Variants in PRKAG2 observed in about 807,000 individuals in gnomAD.
PRKAG2 encodes 5'-AMP-activated protein kinase subunit gamma-2.
A neutral mutation model predicts 69.6 loss-of-function variants in PRKAG2; 26 were observed. That is an observed-to-expected ratio of 0.37 (90% CI 0.27 to 0.52). PRKAG2 has a LOEUF of 0.52. PRKAG2 is among the 20% of genes least tolerant of loss of function. The pLI is 0.90. For missense variants in PRKAG2, 557 were observed against 740.0 expected (o/e 0.75, Z 2.87); for synonymous variants, 293 against 285.0 (o/e 1.03, Z -0.28).
At chr7:151,758,819 T>C (rs1346365885) in intron 3 of PRKAG2, among the ~76,000 whole-genome samples, 1 of 152,184 alleles carries the variant, frequency 6.6e-6, no homozygotes, top group East Asian at 1.9e-4. Flanking sequence ...ATAACAGCTA[T>C]ATTTCAGGGC....
chr7:151,654,208 T>G (rs1829054541), intron 4 of PRKAG2, among the ~76,000 whole-genome samples: 1 of 152,156 alleles, frequency 6.6e-6, no homozygotes, highest in Admixed American at 6.5e-5. Flanking sequence ...CATTTAACTT[T>G]GTCTTCAAAG....
intron 1 of PRKAG2, among the ~76,000 whole-genome samples, chr7:151,791,587 G>A (rs1275066395): frequency 2.0e-5 from 3 of 152,232 alleles, no homozygotes; most frequent in Non-Finnish European, 4.4e-5. Flanking sequence ...TGCACAAAAT[G>A]TAAGTCAGAC....
chr7:151,821,493 C>T (rs889702970), intron 1 of PRKAG2, among the ~76,000 whole-genome samples: 12 of 152,318 alleles, frequency 7.9e-5, no homozygotes, highest in Non-Finnish European at 1.5e-4. Context: ...GCCTCAATGG[C>T]ACTGCTGAGC....
intron 6 of PRKAG2, among the ~76,000 whole-genome samples, chr7:151,577,308 C>A (rs1351228981): frequency 6.6e-6 from 1 of 152,154 alleles, no homozygotes; most frequent in Non-Finnish European, 1.5e-5. Flanking sequence ...ACACTCATAA[C>A]AAATATCTTT....
intron 1 of PRKAG2, among the ~76,000 whole-genome samples, chr7:151,837,904 G>A (rs1264866340): frequency 6.6e-6 from 1 of 152,170 alleles, no homozygotes; most frequent in Admixed American, 6.5e-5. Context: ...CGGGATCTGA[G>A]CAGACAGTCA....
rs1804603142 is a variant in PRKAG2 at position 151,560,214 on chromosome 7, G to A, written c.1678+310C>T. The A allele has an allele frequency of 5.7e-6, 7 of 1,230,078 alleles. No homozygotes were observed. The South Asian group carries it at 1.0e-4, about 18-fold the overall frequency. 76.2% of individuals were successfully genotyped at this position (1,230,078 alleles called of 1,614,324 possible). ...TTCTGGTCACTAGTTCTCTCACAAA[G>A]CACAATTGAAGAGGTCTTTTCAGTG... On this transcript the variant is annotated intron_variant, in intron 15 of 15. Coordinates refer to ENST00000287878, the MANE Select transcript of PRKAG2 (RefSeq NM_016203.4).
intron 3 of PRKAG2, among the ~76,000 whole-genome samples, chr7:151,711,402 AGCTTAGAGTACTAAGAGTACTAG>A (rs1245528813): frequency 3.3e-5 from 5 of 151,892 alleles, no homozygotes; most frequent in Non-Finnish European, 5.9e-5. Context: ...GAGGGTGCTA[AGCTTAGAGTACTAAGAGTACTAG>A]GCTTAGAGTA....
At chr7:151,622,452 T>C (rs1051237723) in intron 5 of PRKAG2, among the ~76,000 whole-genome samples, 19 of 152,176 alleles carry the variant, frequency 1.2e-4, no homozygotes, top group Admixed American at 3.3e-4. Flanking sequence ...AAAAAAACCA[T>C]TGGCAGAGCC....
At chr7:151,642,355 A>G (rs964983012) in intron 4 of PRKAG2, among the ~76,000 whole-genome samples, 1 of 151,952 alleles carries the variant, frequency 6.6e-6, no homozygotes, top group Non-Finnish European at 1.5e-5. Context: ...ACAAACAAAC[A>G]ACAAACAAAC....
intron 3 of PRKAG2, among the ~76,000 whole-genome samples, chr7:151,773,091 GAGGGAAGGGA>G (rs1563640774): frequency 2.9e-5 from 2 of 70,128 alleles, no homozygotes; most frequent in Non-Finnish European, 5.5e-5. Context: ...GGGAGGGAGG[GAGGGAAGGGA>G]AGGGAAGGGA....
At chr7:151,848,869 A>T (rs2079503035) in intron 1 of PRKAG2, among the ~76,000 whole-genome samples, 1 of 152,182 alleles carries the variant, frequency 6.6e-6, no homozygotes, top group Non-Finnish European at 1.5e-5. Flanking sequence ...AAATGATAAT[A>T]AGGATAATAA....
At chr7:151,676,532 G>A (rs1563404286) in intron 3 of PRKAG2, among the ~76,000 whole-genome samples, 2 of 152,140 alleles carry the variant, frequency 1.3e-5, no homozygotes, top group Non-Finnish European at 1.5e-5. Context: ...GGGAGTTAAA[G>A]GTTCTCCACT....
At chr7:151,613,550 T>G (rs971324547) in intron 5 of PRKAG2, among the ~76,000 whole-genome samples, 1 of 152,276 alleles carries the variant, frequency 6.6e-6, no homozygotes, top group East Asian at 1.9e-4. Context: ...CAGGCTGGAG[T>G]GCAGTGGTAG....
At chr7:151,595,229 C>G (rs1204019212) in intron 6 of PRKAG2, 116 bp downstream of exon 6, 6 of 739,874 alleles carry the variant, frequency 8.1e-6, no homozygotes, top group Non-Finnish European at 1.4e-5. Context: ...AGCACAGTGC[C>G]CGATAGTGCA....
chr7:151,759,500 C>T (rs997715923), intron 3 of PRKAG2, among the ~76,000 whole-genome samples: 2 of 152,212 alleles, frequency 1.3e-5, no homozygotes. Context: ...TCTCATGTAA[C>T]GTGGTGCAGG....
chr7:151,814,689 G>A lies in PRKAG2; in HGVS notation c.115-28148C>T. On this transcript the variant is annotated intron_variant, in intron 1 of 15. Coordinates refer to ENST00000287878, the MANE Select transcript of PRKAG2 (RefSeq NM_016203.4). The surrounding 1 kb of genome is among the most constrained non-coding windows in gnomAD (Gnocchi z 4.8). ...GGCTGGGTGTGTTCCCAGTCCCCAA[G>A]GCAGCGCAACAAGCGGCTGGCAGAC... is the stretch of plus-strand genomic sequence containing the variant. 8.1e-7 allele frequency: 1 copy of A among 1,231,822 alleles called. No individual in the cohort carries two copies. The highest frequency in any genetic ancestry group is 1.5e-5 in the African/African-American group (1 of 64,558). 76.3% of individuals were successfully genotyped at this position (1,231,822 alleles called of 1,614,324 possible). A position where few individuals can be genotyped will look rare whatever the true frequency, so the allele number is the denominator to read the frequency against.
At chr7:151,669,598 T>A (rs1457487506) in intron 4 of PRKAG2, among the ~76,000 whole-genome samples, 1 of 152,242 alleles carries the variant, frequency 6.6e-6, no homozygotes, top group African/African-American at 2.4e-5. Context: ...CCTACTATTA[T>A]AGCACCAATT....
In PRKAG2 at chr7:151,712,556, G is replaced by A. The variant is rs369377325; in HGVS notation, c.467-36919C>T. Among the ~76,000 whole-genome samples, 4 of 152,358 alleles carry A rather than the reference G, an allele frequency of 2.6e-5. No individual in the cohort carries two copies. The East Asian group carries it at 7.7e-4, about 29-fold the overall frequency. On this transcript the variant is annotated intron_variant, in intron 3 of 15. Transcript: ENST00000287878. ...TGTTGGCCCTGATGAGCTGACACCC[G>A]GCCAGAGCCAAGCCCAGGGATGGGA...
chr7:151,686,236 C>T (rs180704693), intron 3 of PRKAG2, among the ~76,000 whole-genome samples: 75 of 152,310 alleles, frequency 4.9e-4, no homozygotes, highest in Admixed American at 1.8e-3. Flanking sequence ...AGCTGTGTGA[C>T]GTTCCCCAGG....
Sources: gnomAD v4.1 joint callset for allele counts (sites outside exome capture counted in the v4.1 genomes callset) on GRCh38, gnomAD v4.1.1 for gene constraint, Gnocchi (gnomAD v3.1) non-coding constraint, MANE v1.5 for transcripts, NCBI Gene and HGNC (gene_info 2026-07-23, HGNC 2026-07-21) for gene names.